ANK2: variants seen among roughly 807,000 people sequenced by gnomAD.
ANK2 encodes the protein ankyrin-2.
In ANK2, 83 loss-of-function variants were observed where a neutral mutation model predicts 360.5. The observed-to-expected ratio is 0.23, with a 90% CI of 0.19 to 0.28. ANK2 has a LOEUF of 0.28. ANK2 is among the 10% of genes least tolerant of loss of function. The pLI, the probability that ANK2 is intolerant of heterozygous loss-of-function variation, is 1.00. For synonymous variants in ANK2, 1,740 were observed against 1,759.5 expected (o/e 0.99, Z 0.28); for missense variants, 4,201 against 4,795.7 (o/e 0.88, Z 3.66).
At chr4:113,201,518 A>T (rs60982020) in intron 4 of ANK2, among the ~76,000 whole-genome samples, 7,305 of 152,312 alleles carry the variant, frequency 0.048, 214 homozygotes, top group African/African-American at 0.078. Context: ...TCAATAATGT[A>T]CTTATACATC....
upstream of ANK2, among the ~76,000 whole-genome samples, chr4:112,814,611 C>A (rs2055512812): frequency 6.6e-6 from 1 of 152,048 alleles, no homozygotes; most frequent in Non-Finnish European, 1.5e-5. Flanking sequence ...CCACTCCAGG[C>A]TAATTTTTAA....
At chr4:113,293,191 C>T (rs970242951) in intron 21 of ANK2, 5 of 629,980 alleles carry the variant, frequency 7.9e-6, no homozygotes, top group East Asian at 3.2e-5. Flanking sequence ...AGGGTTAAAG[C>T]GTCAAGTGCT....
At chr4:112,782,275 T>C in the ANK2 span, among the ~76,000 whole-genome samples, 340 of 152,318 alleles carry the variant, frequency 2.2e-3, 1 homozygote, top group African/African-American at 7.5e-3. Flanking sequence ...GATTTGCTAA[T>C]TGTGAAGGCA....
At chr4:113,257,446 C>G (rs945923757) in intron 11 of ANK2, among the ~76,000 whole-genome samples, 1 of 151,934 alleles carries the variant, frequency 6.6e-6, no homozygotes, top group Non-Finnish European at 1.5e-5. Flanking sequence ...TTTCTTTATA[C>G]AATAAAATTT....
intron 1 of ANK2, among the ~76,000 whole-genome samples, chr4:113,068,897 A>G (rs540202812): frequency 8.5e-4 from 130 of 152,108 alleles, no homozygotes; most frequent in African/African-American, 3.0e-3. Flanking sequence ...CCTCATCTGT[A>G]CAAAAAGTTT....
chr4:113,167,142 T>C (rs1307507527), intron 1 of ANK2, among the ~76,000 whole-genome samples: 4 of 152,148 alleles, frequency 2.6e-5, no homozygotes, highest in Admixed American at 2.0e-4. Flanking sequence ...AAAAAGATAA[T>C]GCTTTTGAAT....
At chr4:113,312,094 G>C (rs2080276097) in intron 24 of ANK2, among the ~76,000 whole-genome samples, 1 of 152,024 alleles carries the variant, frequency 6.6e-6, no homozygotes, top group African/African-American at 2.4e-5. Context: ...ATGACATTCT[G>C]TGGTTCCTCA....
At chr4:112,771,386 G>A in the ANK2 span, among the ~76,000 whole-genome samples, 1 of 152,134 alleles carries the variant, frequency 6.6e-6, no homozygotes, top group Non-Finnish European at 1.5e-5. Context: ...CTAAAGTGCT[G>A]GGATTACAGG....
chr4:113,285,910 A>G (rs2064346662), intron 18 of ANK2, among the ~76,000 whole-genome samples: 1 of 152,198 alleles, frequency 6.6e-6, no homozygotes, highest in Non-Finnish European at 1.5e-5. Flanking sequence ...AATAACGGCT[A>G]TGGGAGTTAT....
rs891690526 is a variant in ANK2 at position 113,346,027 on chromosome 4, C to A, written c.4371+5C>A. Reference sequence around the variant, plus strand: ...ACTTTGCCGATTTATACAAAGGTATCGTAAAATCTGCTATAGTGCAATTCA... The same window carrying A: ...ACTTTGCCGATTTATACAAAGGTATAGTAAAATCTGCTATAGTGCAATTCA... On this transcript the variant is annotated splice_donor_5th_base_variant and intron_variant, in intron 35 of 45. Coordinates refer to ENST00000357077, the MANE Select transcript of ANK2 (RefSeq NM_001148.6). 17 of 1,612,874 alleles carry A rather than the reference C, an allele frequency of 1.1e-5. No individual in the cohort carries two copies. The highest frequency in any genetic ancestry group is 1.4e-5 in the Non-Finnish European group (17 of 1,179,110).
chr4:113,104,321 CA>C (rs1441629347), intron 1 of ANK2, among the ~76,000 whole-genome samples: 1 of 152,174 alleles, frequency 6.6e-6, no homozygotes, highest in East Asian at 1.9e-4. Flanking sequence ...TGTCTTTATA[CA>C]AAATAAAACC....
At chr4:113,331,918 A>G (rs2092543091) in intron 27 of ANK2, 54 bp from the exon 28 acceptor site, 3 of 1,511,190 alleles carry the variant, frequency 2.0e-6, no homozygotes, top group South Asian at 1.1e-5. Flanking sequence ...GTGGAAGACA[A>G]TACCTGAAGC....
At chr4:113,366,997 A>G (rs1426796672) in intron 41 of ANK2, among the ~76,000 whole-genome samples, 1 of 152,184 alleles carries the variant, frequency 6.6e-6, no homozygotes, top group Non-Finnish European at 1.5e-5. Context: ...ATGACTCCTC[A>G]TTTCCCTGGA....
intron 43 of ANK2, chr4:113,372,523 C>A: frequency 6.6e-7 from 1 of 1,519,632 alleles, no homozygotes; most frequent in Non-Finnish European, 8.8e-7. Flanking sequence ...TGCTTCCATG[C>A]TTCCACCAGG....
At position 113,318,505 on chromosome 4, in the gene ANK2, C is replaced by A; in HGVS notation, c.2797-12C>A. The A allele has an allele frequency of 1.2e-6, 2 of 1,604,854 alleles. No individual in the cohort carries two copies. The highest frequency in any genetic ancestry group is 1.7e-6 in the Non-Finnish European group (2 of 1,172,330). ...AAGTGTGTTTATTCAATCCAGTGTT[C>A]TTTGTGTTTAGGTGTCAACTCTAGC... On this transcript the variant is annotated splice_polypyrimidine_tract_variant and intron_variant, in intron 25 of 45. Transcript: ENST00000357077.
At chr4:113,138,363 C>T (rs796965018) in intron 1 of ANK2, among the ~76,000 whole-genome samples, 3 of 152,294 alleles carry the variant, frequency 2.0e-5, no homozygotes, top group African/African-American at 4.8e-5. Flanking sequence ...TACAGTAACT[C>T]TCTGATGTCG....
intron 2 of ANK2, among the ~76,000 whole-genome samples, chr4:112,909,472 A>G (rs2086349580): frequency 6.6e-6 from 1 of 152,178 alleles, no homozygotes; most frequent in South Asian, 2.1e-4. Flanking sequence ...TTATCCTTGT[A>G]TTACTGTAAC....
At chr4:112,723,733 A>G in the ANK2 span, among the ~76,000 whole-genome samples, 1 of 152,138 alleles carries the variant, frequency 6.6e-6, no homozygotes, top group Non-Finnish European at 1.5e-5. Flanking sequence ...TTTTATGGTG[A>G]TCAAAAGCAT....
the ANK2 span, among the ~76,000 whole-genome samples, chr4:112,766,390 G>A: frequency 1.3e-5 from 2 of 151,822 alleles, no homozygotes; most frequent in African/African-American, 2.4e-5. Flanking sequence ...AGACTATTTT[G>A]CCAGAAAAAA....
Sources: allele counts gnomAD v4.1 joint callset (sites outside exome capture counted in the v4.1 genomes callset), GRCh38; gene constraint gnomAD v4.1.1; transcripts MANE v1.5; gene names NCBI Gene and HGNC (gene_info 2026-07-23, HGNC 2026-07-21).